The following APBA2 variants were observed in gnomAD, a reference collection of about 807,000 sequenced individuals.
The protein encoded by APBA2 is amyloid-beta A4 precursor protein-binding family A member 2.
APBA2 carries 30 observed loss-of-function variants against 75.0 expected under a neutral mutation model. The observed-to-expected ratio is 0.40, with a 90% CI of 0.30 to 0.54. APBA2 has a LOEUF of 0.54. Ranked by LOEUF, APBA2 falls within the 20% of genes least tolerant of loss-of-function variation. APBA2 has a pLI of 0.49. For missense variants in APBA2, 801 were observed against 1,016.1 expected, an observed-to-expected ratio of 0.79 and a Z score of 2.88; for synonymous variants, 444 against 409.6, an observed-to-expected ratio of 1.08 and a Z score of -1.01.
chr15:29,115,814 G>A (rs2045072547), intron 14 of APBA2, among the ~76,000 whole-genome samples: 1 of 152,178 alleles, frequency 6.6e-6, no homozygotes, highest in Non-Finnish European at 1.5e-5. Flanking sequence ...GGGGAGGGAG[G>A]GCAACGCTCA....
intron 1 of APBA2, among the ~76,000 whole-genome samples, chr15:28,908,317 T>G (rs1410704183): frequency 2.0e-5 from 3 of 147,370 alleles, no homozygotes; most frequent in Non-Finnish European, 4.5e-5. Context: ...GTTTTCTTGT[T>G]TTTTTTTTTT....
In APBA2 at chr15:28,991,254, CT is replaced by C. The variant is rs1478546889; in HGVS notation, c.-94-4498del. ...TCCCTAAGCCCCACAGTAAAAACGTCTCTCCTGGTCTGGGGGCGCATCCATC... is the reference window on the plus strand; with the variant it reads ...TCCCTAAGCCCCACAGTAAAAACGTCCTCCTGGTCTGGGGGCGCATCCATC... On this transcript the variant is annotated intron_variant, in intron 2 of 14. Coordinates refer to ENST00000683413, the MANE Select transcript of APBA2 (RefSeq NM_001353788.2). This position sits in a 1 kb window ranked among gnomAD's most constrained non-coding sequence, Gnocchi z 4.7. Among the ~76,000 whole-genome samples the C allele has an allele frequency of 2.2e-4, 34 of 152,352 alleles. No homozygotes were observed. Among genetic ancestry groups the C allele is most frequent in the Non-Finnish European group, 4.0e-4 (27 of 68,022 alleles).
chr15:29,117,106 G>A lies in APBA2; in HGVS notation c.2223G>A (p.Thr741=), dbSNP rs761106891. 124 of 1,613,148 alleles carry A rather than the reference G, an allele frequency of 7.7e-5. No individual in the cohort carries two copies. In the Middle Eastern group the frequency reaches 2.1e-3, roughly 28 times the overall value. Residue 741 remains threonine, a synonymous_variant, in exon 15 of 15, where the codon ACG becomes ACA. Coordinates refer to ENST00000683413, the MANE Select transcript of APBA2 (RefSeq NM_001353788.2). ...TMPAAMFRLL[T]GQETPLYI ...CCGCCGCCATGTTCAGGCTCCTCAC[G>A]GGTCAGGAGACCCCGCTGTACATCT...
intron 1 of APBA2, among the ~76,000 whole-genome samples, chr15:28,921,393 A>C (rs951002086): frequency 4.2e-4 from 64 of 152,340 alleles, no homozygotes; most frequent in African/African-American, 1.5e-3. Flanking sequence ...ATAAACACGA[A>C]GGTTCACTTG....
intron 3 of APBA2, among the ~76,000 whole-genome samples, chr15:28,998,567 A>G (rs1468642058): frequency 1.3e-5 from 2 of 152,170 alleles, no homozygotes; most frequent in African/African-American, 2.4e-5. Flanking sequence ...AAGCCAGAGC[A>G]CTAAGGGAGG....
intron 2 of APBA2, among the ~76,000 whole-genome samples, chr15:28,980,471 T>G (rs1048746908): frequency 2.0e-5 from 3 of 152,022 alleles, no homozygotes; most frequent in African/African-American, 7.2e-5. Flanking sequence ...AGGAACACAA[T>G]CCCATTTACA....
intron 6 of APBA2, among the ~76,000 whole-genome samples, chr15:29,085,656 G>A (rs1383363123): frequency 6.6e-6 from 1 of 152,084 alleles, no homozygotes; most frequent in South Asian, 2.1e-4. Flanking sequence ...TGGTGCTCAA[G>A]TTTTCTATGG....
Position 29,057,762 on chromosome 15 carries a change from G to C in APBA2, c.951+2927G>C, listed in dbSNP as rs115237493. On this transcript the variant is annotated intron_variant, in intron 4 of 14. Coordinates refer to ENST00000683413, the MANE Select transcript of APBA2 (RefSeq NM_001353788.2). ...CTACCATTGAGCATGCAGATTGTGA[G>C]TGGCATTTTCTCTTAGGTGTAAGGC... Among the ~76,000 whole-genome samples, 1,499 of 152,304 alleles carry C rather than the reference G, an allele frequency of 9.8e-3. 35 individuals are homozygous for C. The highest frequency in any genetic ancestry group is 0.035 in the African/African-American group (1,438 of 41,556).
chr15:28,986,512 A>AT (rs901416445), intron 2 of APBA2, among the ~76,000 whole-genome samples: 2 of 152,022 alleles, frequency 1.3e-5, no homozygotes, highest in East Asian at 3.9e-4. Context: ...TATTAAAAAA[A>AT]TTTTTTTTGA....
chr15:29,066,077 T>A lies in APBA2; in HGVS notation c.952-8844T>A, dbSNP rs563436113. 5.9e-5 allele frequency among the ~76,000 whole-genome samples: 9 copies of A among 152,338 alleles called. No homozygotes were observed. In the South Asian group the frequency reaches 1.9e-3, roughly 32 times the overall value. Reference sequence around the variant, plus strand: ...TCGGCCCATGTGCTTGCAGGTGGCCTCTGATTCTGCTTCTGGAGACTGTCT... The same window carrying A: ...TCGGCCCATGTGCTTGCAGGTGGCCACTGATTCTGCTTCTGGAGACTGTCT... On this transcript the variant is annotated intron_variant, in intron 4 of 14. Transcript: ENST00000683413.
chr15:28,920,710 C>T (rs1448972131), intron 1 of APBA2, among the ~76,000 whole-genome samples: 2 of 152,184 alleles, frequency 1.3e-5, no homozygotes, highest in East Asian at 1.9e-4. Context: ...CTGGAGGAAC[C>T]TCTTAAGGAA....
intron 2 of APBA2, among the ~76,000 whole-genome samples, chr15:28,984,876 T>C (rs565684565): frequency 3.9e-4 from 48 of 121,928 alleles, no homozygotes; most frequent in South Asian, 1.3e-3. Flanking sequence ...TCTCTCTCTC[T>C]CCCCCCACTG....
At chr15:28,932,517 A>T (rs1287700249) in intron 2 of APBA2, among the ~76,000 whole-genome samples, 1 of 152,202 alleles carries the variant, frequency 6.6e-6, no homozygotes, top group Non-Finnish European at 1.5e-5. Flanking sequence ...CCAGGGCAGT[A>T]AAAGCAACGT....
At chr15:28,909,050 A>G (rs1167084974) in intron 1 of APBA2, among the ~76,000 whole-genome samples, 1 of 147,342 alleles carries the variant, frequency 6.8e-6, no homozygotes, top group Non-Finnish European at 1.5e-5. Context: ...GCAGTGGTGC[A>G]ATCTCGGCTC....
intron 3 of APBA2, among the ~76,000 whole-genome samples, chr15:29,012,487 C>T (rs963279004): frequency 6.6e-6 from 1 of 152,172 alleles, no homozygotes; most frequent in African/African-American, 2.4e-5. Flanking sequence ...TACCCTCAAT[C>T]GTCTGAGTGT....
At chr15:28,924,097 G>A (rs769513666) in intron 2 of APBA2, among the ~76,000 whole-genome samples, 48 of 152,250 alleles carry the variant, frequency 3.2e-4, no homozygotes, top group African/African-American at 1.1e-3. Flanking sequence ...AGTGTCCCAC[G>A]AGGACAGACT....
chr15:29,082,377 G>A (rs796557437), intron 6 of APBA2, among the ~76,000 whole-genome samples: 8 of 152,248 alleles, frequency 5.3e-5, no homozygotes, highest in African/African-American at 1.9e-4. Context: ...TTGTGTGTGT[G>A]GTGAGAACAC....
intron 3 of APBA2, among the ~76,000 whole-genome samples, chr15:29,021,406 T>C (rs1205363278): frequency 1.3e-5 from 2 of 152,106 alleles, no homozygotes; most frequent in Non-Finnish European, 2.9e-5. Flanking sequence ...CGCGCGCCTG[T>C]AGTGCCAGCT....
intron 2 of APBA2, among the ~76,000 whole-genome samples, chr15:28,967,664 T>A (rs1343895664): frequency 6.6e-6 from 1 of 152,154 alleles, no homozygotes; most frequent in Non-Finnish European, 1.5e-5. Flanking sequence ...GGTCTCGATC[T>A]CCTAACCTCA....
Sources: allele counts gnomAD v4.1 joint callset (sites outside exome capture counted in the v4.1 genomes callset), GRCh38; gene constraint gnomAD v4.1.1; non-coding constraint Gnocchi (gnomAD v3.1); transcripts MANE v1.5; gene names NCBI Gene and HGNC (gene_info 2026-07-23, HGNC 2026-07-21).